AARS2: variants seen among roughly 807,000 people sequenced by gnomAD.
AARS2 encodes alanyl-tRNA synthetase 2, mitochondrial, also known as alanine--tRNA ligase, mitochondrial.
AARS2 carries 78 observed loss-of-function variants against 119.7 expected under a neutral mutation model. That is an observed-to-expected ratio of 0.65 (90% CI 0.54 to 0.79). The LOEUF (loss-of-function observed/expected upper bound fraction) is 0.79. AARS2 is among the 30% of genes least tolerant of loss of function. The pLI, the probability that AARS2 is intolerant of heterozygous loss-of-function variation, is 0.00. For missense variants in AARS2, 1,157 were observed against 1,291.3 expected, an observed-to-expected ratio of 0.90 and a Z score of 1.59; for synonymous variants, 502 against 526.3, an observed-to-expected ratio of 0.95 and a Z score of 0.63.
rs972680056 is a variant in AARS2, at chr6:44,301,137, G to A, written c.2793+19C>T. On this transcript the variant is annotated intron_variant, in intron 21 of 21. Transcript: ENST00000244571. Reference sequence around the variant, plus strand: ...TGGGTATTAATGGGGGCGGTGGGCTGCTCTCCCACTTCCCTCACCTGGGCC... The same window carrying A: ...TGGGTATTAATGGGGGCGGTGGGCTACTCTCCCACTTCCCTCACCTGGGCC... 17 of 1,602,468 alleles carry A rather than the reference G, an allele frequency of 1.1e-5. No homozygotes were observed. Among genetic ancestry groups the A allele is most frequent in the Non-Finnish European group, 1.4e-5 (16 of 1,170,904 alleles).
rs753126947 is a variant in AARS2, at chr6:44,302,836, C to G, written c.2330G>C (p.Arg777Pro). ...CTGCTCCCCAGTGACGGCCAGCAGG[C>G]GGGTAGTGCCCTTGGAAAGCTGGCG... ...GDRQLSKGTT[R>P]LLAVTGEQAQ... Residue 777 changes from arginine (R) to proline (P), a missense_variant, in exon 17 of 22, where the codon CGC becomes CCC. Transcript: ENST00000244571. 6 of 1,613,870 alleles carry G rather than the reference C, an allele frequency of 3.7e-6. No individual in the cohort carries two copies. The Admixed American group carries it at 8.3e-5, about 22-fold the overall frequency.
Position 44,305,705 on chromosome 6 carries a change from C to G in AARS2, c.1382G>C (p.Gly461Ala). The stretch of plus-strand genomic sequence containing the variant: ...CAGTCCAGCGGAGTCTAGCTGGACC[C>G]CTTTCTCCTCCAGCATCAGCTCTAC... ...DMVELMLEEK[G>A]VQLDSAGLER... is the part of the protein sequence containing the mutation. Residue 461 changes from glycine to alanine, a missense_variant, in exon 10 of 22, where the codon GGG (glycine) becomes GCG (alanine). By Grantham distance (60) the Gly-to-Ala change is moderately conservative. Coordinates refer to ENST00000244571, the MANE Select transcript of AARS2 (RefSeq NM_020745.4). The surrounding 1 kb of genome is among the most constrained non-coding windows in gnomAD (Gnocchi z 4.6). 6.2e-7 allele frequency: 1 copy of G among 1,614,144 alleles called. No homozygotes were observed. The highest frequency in any genetic ancestry group is 8.5e-7 in the Non-Finnish European group (1 of 1,180,026).
chr6:44,313,165 G>A lies in AARS2; in HGVS notation c.159C>T (p.Arg53=). The change falls in exon 1 of 22, where the codon CGC becomes CGT. Residue 53 remains arginine (R), a synonymous_variant. Transcript: ENST00000244571. The part of the protein sequence containing the change: ...RAAFLNFFRD[R]HGHRLVPSAS... ...CGGAGGGCACCAGCCGGTGGCCATG[G>A]CGGTCCCGAAAGAAGTTCAGAAAGG... 1 of 1,613,088 alleles carries A rather than the reference G, an allele frequency of 6.2e-7. No homozygotes were observed. The highest frequency in any genetic ancestry group is 1.1e-5 in the South Asian group (1 of 90,990).
At position 44,307,572 on chromosome 6, in the gene AARS2, C is replaced by T. The variant is rs570159698; in HGVS notation, c.895-178G>A. ...GAGCACAAGCCAGGCCCTGCCCTCA[C>T]GGGGCTCATATTTGGTGCTACAAGT... On this transcript the variant is annotated intron_variant, in intron 5 of 21. Coordinates refer to ENST00000244571, the MANE Select transcript of AARS2 (RefSeq NM_020745.4). The surrounding 1 kb of genome is among the most constrained non-coding windows in gnomAD (Gnocchi z 4.4). 565 of 739,096 alleles carry T rather than the reference C, an allele frequency of 7.6e-4. 3 individuals are homozygous for T. The highest frequency in any genetic ancestry group is 1.9e-3 in the Admixed American group (75 of 39,070). 45.8% of individuals were successfully genotyped at this position (739,096 alleles called of 1,614,324 possible). A position where few individuals can be genotyped will look rare whatever the true frequency, so the allele number is the denominator to read the frequency against.
Position 44,303,275 on chromosome 6 carries a change from C to G in AARS2, c.2145+11G>C. 1 of 1,614,152 alleles carries G rather than the reference C, an allele frequency of 6.2e-7. No individual in the cohort carries two copies. Among genetic ancestry groups the G allele is most frequent in the Non-Finnish European group, 8.5e-7 (1 of 1,180,034 alleles). ...CCCCCGATCTCCAGCAAAAGGGCTT[C>G]CCCAACTCACCTCATCCAGAGAGCG... On this transcript the variant is annotated intron_variant, in intron 15 of 21. Transcript: ENST00000244571.
chr6:44,299,013 C>T lies in AARS2; in HGVS notation c.*1534G>A, dbSNP rs895087668. Among the ~76,000 whole-genome samples the T allele has an allele frequency of 6.6e-6, 1 of 152,164 alleles. No homozygotes were observed. The highest frequency in any genetic ancestry group is 2.4e-5 in the African/African-American group (1 of 41,418). ...TAAGCATATTGTTTGTCTGACCCCG[C>T]TCTCCAGCCTCCTCACCTGCCCCTA... On this transcript the variant is annotated 3_prime_UTR_variant, in exon 22 of 22. Transcript: ENST00000244571.
At position 44,300,541 on chromosome 6, in the gene AARS2, C is replaced by T. The variant is rs1240117999; in HGVS notation, c.*6G>A. On this transcript the variant is annotated 3_prime_UTR_variant, in exon 22 of 22. Coordinates refer to ENST00000244571, the MANE Select transcript of AARS2 (RefSeq NM_020745.4). Reference sequence around the variant, plus strand: ...TAGTCCATGTGGGTCCCTGGGCGGACCTGGGTCAGAGCTGGCTGAGGGCAT... The same window carrying T: ...TAGTCCATGTGGGTCCCTGGGCGGATCTGGGTCAGAGCTGGCTGAGGGCAT... 6.2e-7 allele frequency: 1 copy of T among 1,613,852 alleles called. No homozygotes were observed. Among genetic ancestry groups the T allele is most frequent in the Non-Finnish European group, 8.5e-7 (1 of 1,180,034 alleles).
intron 1 of AARS2, 91 bp downstream of exon 1, chr6:44,312,990 C>A (rs1007634331): frequency 1.9e-6 from 3 of 1,570,006 alleles, no homozygotes; most frequent in Non-Finnish European, 1.7e-6. Context: ...CTACGAACTC[C>A]GCCTCTCGCT....
rs777354138 is a variant in AARS2, at chr6:44,302,412, C to T, written c.2466G>A (p.Lys822=). Reference sequence around the variant, plus strand: ...TCACTTCAATGAGTCGTCCTATGTCCTTGGACAGCCTCAGTGCCTCCGCCA... The same window carrying T: ...TCACTTCAATGAGTCGTCCTATGTCTTTGGACAGCCTCAGTGCCTCCGCCA... The part of the protein sequence containing the change: ...RDVAEALRLS[K]DIGRLIEAVE... Residue 822 remains lysine, a synonymous_variant, in exon 18 of 22, where the codon AAG becomes AAA. Coordinates refer to ENST00000244571, the MANE Select transcript of AARS2 (RefSeq NM_020745.4). 1.9e-6 allele frequency: 3 copies of T among 1,614,140 alleles called. No individual in the cohort carries two copies. The highest frequency in any genetic ancestry group is 3.3e-5 in the Admixed American group (2 of 60,028).
chr6:44,301,749 G>A (rs1271444697), intron 19 of AARS2, among the ~76,000 whole-genome samples: 1 of 152,202 alleles, frequency 6.6e-6, no homozygotes, highest in East Asian at 1.9e-4. Flanking sequence ...GAGCACAGAT[G>A]GACCAGGAGT....
intron 5 of AARS2, among the ~76,000 whole-genome samples, chr6:44,308,960 CA>C (rs1786112551): frequency 6.6e-6 from 1 of 152,186 alleles, no homozygotes; most frequent in Admixed American, 6.5e-5. Flanking sequence ...TTGAGGCCCA[CA>C]AGACTGGATT....
chr6:44,303,268 A>T lies in AARS2; in HGVS notation c.2145+18T>A. The T allele has an allele frequency of 6.2e-7, 1 of 1,614,106 alleles. No individual in the cohort carries two copies. The highest frequency in any genetic ancestry group is 8.5e-7 in the Non-Finnish European group (1 of 1,180,018). Reference sequence around the variant, plus strand: ...AAGGAGGCCCCCGATCTCCAGCAAAAGGGCTTCCCCAACTCACCTCATCCA... The same window carrying T: ...AAGGAGGCCCCCGATCTCCAGCAAATGGGCTTCCCCAACTCACCTCATCCA... On this transcript the variant is annotated intron_variant, in intron 15 of 21. Coordinates refer to ENST00000244571, the MANE Select transcript of AARS2 (RefSeq NM_020745.4).
At chr6:44,306,683 G>A in intron 7 of AARS2, 151 bp from the exon 8 acceptor site, 1 of 1,062,122 alleles carries the variant, frequency 9.4e-7, no homozygotes, top group Non-Finnish European at 1.5e-6. Context: ...TGGTTTCCCT[G>A]TAGGGTGGCA....
At position 44,299,458 on chromosome 6, in the gene AARS2, G is replaced by A. The variant is rs189010551; in HGVS notation, c.*1089C>T. On this transcript the variant is annotated 3_prime_UTR_variant, in exon 22 of 22. Transcript: ENST00000244571. ...ACTTTTTTTTTTTTTTGTAGACAGG[G>A]TCTTGCTGTTTGCGCAGGCTGGTCT... is the stretch of plus-strand genomic sequence containing the variant. Among the ~76,000 whole-genome samples, 268 of 151,562 alleles carry A rather than the reference G, an allele frequency of 1.8e-3. 2 individuals carry two copies. The highest frequency in any genetic ancestry group is 6.1e-3 in the African/African-American group (251 of 41,282).
chr6:44,312,304 A>G lies in AARS2; in HGVS notation c.244-41T>C, dbSNP rs75449868. ...GTGGGGAGGGGGAGAGGGATATCCA[A>G]TTTCTCAGTAGAAGGGAAATGTGGG... On this transcript the variant is annotated intron_variant, in intron 1 of 21. Transcript: ENST00000244571. 1.1e-4 allele frequency: 176 copies of G among 1,588,874 alleles called. No homozygotes were observed. The East Asian group carries it at 3.8e-3, about 34-fold the overall frequency.
chr6:44,308,988 G>A (rs1249884264), intron 5 of AARS2, among the ~76,000 whole-genome samples: 1 of 152,172 alleles, frequency 6.6e-6, no homozygotes, highest in East Asian at 1.9e-4. Flanking sequence ...TCTTCTCTGT[G>A]AGACTGTTCA....
At chr6:44,310,478 C>G (rs1371851705) in intron 4 of AARS2, 35 bp from the exon 5 acceptor site, 2 of 1,610,726 alleles carry the variant, frequency 1.2e-6, no homozygotes, top group East Asian at 2.2e-5. Flanking sequence ...GAGGCCCCAC[C>G]CAGGATTACA....
Position 44,300,630 on chromosome 6 carries a change from C to T in AARS2, c.2875G>A (p.Val959Met), listed in dbSNP as rs1477928052. 6.2e-7 allele frequency: 1 copy of T among 1,614,018 alleles called. No homozygotes were observed. The highest frequency in any genetic ancestry group is 2.2e-5 in the East Asian group (1 of 44,882). Residue 959 changes from valine (V) to methionine (M), a missense_variant, in exon 22 of 22, where the codon GTG becomes ATG. Physicochemically the swap from Val to Met is conservative, Grantham distance 21. Transcript: ENST00000244571. ...HMGGKAWGSR[V>M]VAQGTGSTTD... ...GTGCTTCCGGTGCCTTGGGCCACCACTCGTGAGCCCCACGCCTTGCCCCCC... is the reference window on the plus strand; with the variant it reads ...GTGCTTCCGGTGCCTTGGGCCACCATTCGTGAGCCCCACGCCTTGCCCCCC...
At chr6:44,304,584 T>G (rs895135502) in intron 12 of AARS2, 51 bp from the exon 13 acceptor site, 1 of 1,614,074 alleles carries the variant, frequency 6.2e-7, no homozygotes, top group African/African-American at 1.3e-5. Context: ...TCCCCTTGGC[T>G]CCCACTCAGG....
Sources: gnomAD v4.1 joint callset for allele counts (sites outside exome capture counted in the v4.1 genomes callset) on GRCh38, gnomAD v4.1.1 for gene constraint, Gnocchi (gnomAD v3.1) non-coding constraint, MANE v1.5 for transcripts, NCBI Gene and HGNC (gene_info 2026-07-23, HGNC 2026-07-21) for gene names.